LIFR: variants seen among roughly 807,000 people sequenced by gnomAD.
LIFR encodes leukemia inhibitory factor receptor.
LIFR carries 84 observed loss-of-function variants against 122.2 expected under a neutral mutation model. The ratio of observed to expected loss-of-function variants is 0.69; its 90% confidence interval spans 0.58 to 0.82. LIFR has a LOEUF of 0.82. Ranked by LOEUF, LIFR falls within the 40% of genes least tolerant of loss-of-function variation. The pLI is 0.00. For synonymous variants in LIFR, 422 were observed against 434.7 expected, an observed-to-expected ratio of 0.97 and a Z score of 0.36; for missense variants, 1,294 against 1,311.6, an observed-to-expected ratio of 0.99 and a Z score of 0.21.
chr5:38,492,676 C>T (rs1041606150), intron 14 of LIFR, among the ~76,000 whole-genome samples: 1 of 152,176 alleles, frequency 6.6e-6, no homozygotes, highest in East Asian at 1.9e-4. Flanking sequence ...CCATCCTCAT[C>T]ATCTGAGAGA....
At chr5:38,579,598 C>T (rs1749517283) in intron 1 of LIFR, 1 of 152,136 alleles carries the variant, frequency 6.6e-6, no homozygotes, top group African/African-American at 2.4e-5. Flanking sequence ...TGTTTAACCC[C>T]AAGTTTCCAA....
intron 1 of LIFR, among the ~76,000 whole-genome samples, chr5:38,564,037 G>C (rs569115295): frequency 7.2e-5 from 11 of 152,254 alleles, no homozygotes; most frequent in African/African-American, 2.2e-4. Context: ...TCTCTCTTTA[G>C]TCCAAATGGC....
intron 1 of LIFR, among the ~76,000 whole-genome samples, chr5:38,545,522 G>A (rs1385157167): frequency 1.3e-5 from 2 of 151,786 alleles, no homozygotes; most frequent in Non-Finnish European, 2.9e-5. Flanking sequence ...TATAAAATGA[G>A]CATTTTTACT....
chr5:38,536,144 T>C (rs1747283620), intron 1 of LIFR, among the ~76,000 whole-genome samples: 1 of 152,102 alleles, frequency 6.6e-6, no homozygotes, highest in Admixed American at 6.6e-5. Flanking sequence ...GAAATGAGGG[T>C]GCTGGTTTCC....
chr5:38,594,465 T>C (rs1294658579), intron 1 of LIFR, among the ~76,000 whole-genome samples: 1 of 152,134 alleles, frequency 6.6e-6, no homozygotes, highest in Admixed American at 6.5e-5. Context: ...TTCATACTAA[T>C]CTATTAATAT....
At chr5:38,516,556 A>T (rs1287159480) in intron 5 of LIFR, among the ~76,000 whole-genome samples, 2 of 152,296 alleles carry the variant, frequency 1.3e-5, no homozygotes, top group Non-Finnish European at 2.9e-5. Context: ...GACAGGAAAC[A>T]ACAGATGTTG....
chr5:38,514,440 G>C (rs1375018114), intron 5 of LIFR, among the ~76,000 whole-genome samples: 1 of 152,194 alleles, frequency 6.6e-6, no homozygotes, highest in South Asian at 2.1e-4. Flanking sequence ...CACGAGTGCA[G>C]AATAGACATT....
At chr5:38,517,652 T>C (rs1184808080) in intron 5 of LIFR, among the ~76,000 whole-genome samples, 2 of 151,554 alleles carry the variant, frequency 1.3e-5, no homozygotes, top group Admixed American at 1.3e-4. Context: ...GGTCAAGAGA[T>C]CGAGACCATC....
chr5:38,485,989 A>C lies in LIFR; in HGVS notation c.2336-9T>G. The C allele has an allele frequency of 6.2e-7, 1 of 1,608,486 alleles. No homozygotes were observed. Among genetic ancestry groups the C allele is most frequent in the South Asian group, 1.1e-5 (1 of 90,980 alleles). ...TTTTATGTCAGAACGACCTATTTTT[A>C]AAATGAAGTATGTTAGCACTAATCT... On this transcript the variant is annotated splice_polypyrimidine_tract_variant and intron_variant, in intron 16 of 19. Coordinates refer to ENST00000453190, the MANE Select transcript of LIFR (RefSeq NM_001127671.2).
At chr5:38,546,220 A>G (rs1319964167) in intron 1 of LIFR, among the ~76,000 whole-genome samples, 4 of 152,228 alleles carry the variant, frequency 2.6e-5, no homozygotes, top group Non-Finnish European at 5.9e-5. Context: ...ATACATACTA[A>G]AGAATTTTTA....
intron 2 of LIFR, among the ~76,000 whole-genome samples, chr5:38,600,485 T>TA (rs1470322351): frequency 1.3e-5 from 2 of 152,226 alleles, no homozygotes; most frequent in East Asian, 3.9e-4. Context: ...TTTGGCAAGT[T>TA]GCCTATAACT....
chr5:38,483,564 G>A (rs1441875441), intron 18 of LIFR, among the ~76,000 whole-genome samples: 1 of 151,858 alleles, frequency 6.6e-6, no homozygotes, highest in Non-Finnish European at 1.5e-5. Flanking sequence ...TAAGTAGCTG[G>A]GATTACAGGC....
At position 38,528,734 on chromosome 5, in the gene LIFR, A is replaced by G. The variant is rs1746826354; in HGVS notation, c.249T>C (p.Ile83=). The G allele has an allele frequency of 1.3e-6, 2 of 1,574,944 alleles. No individual in the cohort carries two copies. Among genetic ancestry groups the G allele is most frequent in the East Asian group, 2.3e-5 (1 of 43,706 alleles). The part of the protein sequence containing the change: ...TGRGTDYEVC[I]ENRSRSCYQL... ...AAGTAAATTAAAATTACCTGTTTTC[A>G]ATGCAAACTTCATAATCAGTACCAC... Residue 83 remains isoleucine (I), a synonymous_variant, in exon 3 of 20, where the codon ATT becomes ATC. Coordinates refer to ENST00000453190, the MANE Select transcript of LIFR (RefSeq NM_001127671.2).
intron 1 of LIFR, among the ~76,000 whole-genome samples, chr5:38,572,123 A>G (rs933424598): frequency 2.0e-5 from 3 of 152,344 alleles, no homozygotes; most frequent in Non-Finnish European, 2.9e-5. Context: ...TCACATTACT[A>G]TAAAGAAATA....
At chr5:38,538,597 C>T (rs1363955778) in intron 1 of LIFR, among the ~76,000 whole-genome samples, 1 of 152,152 alleles carries the variant, frequency 6.6e-6, no homozygotes, top group African/African-American at 2.4e-5. Context: ...CTGACTCTTC[C>T]TTCTTCCTCA....
chr5:38,540,301 G>T (rs755431440), intron 1 of LIFR, among the ~76,000 whole-genome samples: 4 of 152,192 alleles, frequency 2.6e-5, no homozygotes, highest in Non-Finnish European at 4.4e-5. Flanking sequence ...GAACAAACTG[G>T]TAGATGTACA....
At chr5:38,590,399 G>C (rs73072822) in intron 1 of LIFR, among the ~76,000 whole-genome samples, 1 of 152,226 alleles carries the variant, frequency 6.6e-6, no homozygotes, top group Non-Finnish European at 1.5e-5. Flanking sequence ...CTAGAGACCC[G>C]TGTACCATTG....
intron 1 of LIFR, among the ~76,000 whole-genome samples, chr5:38,594,186 T>C (rs1306367599): frequency 6.6e-6 from 1 of 152,080 alleles, no homozygotes; most frequent in Non-Finnish European, 1.5e-5. Context: ...TTTTGGCTAG[T>C]AGACAGTTCT....
At chr5:38,492,689 A>C (rs907001108) in intron 14 of LIFR, among the ~76,000 whole-genome samples, 1 of 152,196 alleles carries the variant, frequency 6.6e-6, no homozygotes, top group Admixed American at 6.5e-5. Context: ...CTGAGAGAGA[A>C]ACAGTAAGCA....
Sources: gnomAD v4.1 joint callset for allele counts (sites outside exome capture counted in the v4.1 genomes callset) on GRCh38, gnomAD v4.1.1 for gene constraint, MANE v1.5 for transcripts, NCBI Gene and HGNC (gene_info 2026-07-23, HGNC 2026-07-21) for gene names.